Variants in ANKFN1 observed in about 807,000 individuals in gnomAD.
The protein encoded by ANKFN1 is ankyrin repeat and fibronectin type III domain containing 1, also known as ankyrin repeat and fibronectin type-III domain-containing protein 1.
A neutral mutation model predicts 108.7 loss-of-function variants in ANKFN1; 74 were observed. The ratio of observed to expected loss-of-function variants is 0.68; its 90% confidence interval spans 0.56 to 0.83. The LOEUF is 0.83. Among genes scored for constraint, ANKFN1 ranks in the 40% least tolerant of loss-of-function variants. The pLI, the probability that ANKFN1 is intolerant of heterozygous loss-of-function variation, is 0.00. For synonymous variants in ANKFN1, 547 were observed against 516.2 expected, an observed-to-expected ratio of 1.06 and a Z score of -0.81; for missense variants, 1,505 against 1,382.3, an observed-to-expected ratio of 1.09 and a Z score of -1.41.
chr17:56,287,119 C>A (rs780227835), intron 3 of ANKFN1, among the ~76,000 whole-genome samples: 1 of 152,098 alleles, frequency 6.6e-6, no homozygotes, highest in Non-Finnish European at 1.5e-5. Flanking sequence ...ATAAGGCAGG[C>A]CTTATTCTCC....
At chr17:56,406,163 G>A (rs1408704566) in intron 8 of ANKFN1, among the ~76,000 whole-genome samples, 1 of 152,100 alleles carries the variant, frequency 6.6e-6, no homozygotes, top group African/African-American at 2.4e-5. Context: ...ATCACGTAAG[G>A]GCAGTCAAAA....
intron 4 of ANKFN1, among the ~76,000 whole-genome samples, chr17:56,128,353 T>G (rs1277226662): frequency 6.6e-6 from 1 of 152,210 alleles, no homozygotes; most frequent in African/African-American, 2.4e-5. Flanking sequence ...TTTGTGATTT[T>G]CCTTGCAATC....
chr17:56,143,861 G>A (rs544139077), intron 4 of ANKFN1, among the ~76,000 whole-genome samples: 1 of 152,206 alleles, frequency 6.6e-6, no homozygotes, highest in East Asian at 1.9e-4. Context: ...CAGGAGAGAG[G>A]CATGGAATGG....
chr17:56,170,987 G>A (rs1910645958), intron 1 of ANKFN1, among the ~76,000 whole-genome samples: 1 of 151,368 alleles, frequency 6.6e-6, no homozygotes, highest in African/African-American at 2.4e-5. Flanking sequence ...TGGGGGAGCT[G>A]GAAGGAAATG....
At chr17:56,459,130 G>T (rs1212951831) in intron 14 of ANKFN1, among the ~76,000 whole-genome samples, 1 of 151,948 alleles carries the variant, frequency 6.6e-6, no homozygotes, top group African/African-American at 2.4e-5. Context: ...GGTGGTGGTG[G>T]AATGGAATCT....
intron 3 of ANKFN1, among the ~76,000 whole-genome samples, chr17:56,275,766 T>C (rs2043913138): frequency 6.6e-6 from 1 of 152,052 alleles, no homozygotes; most frequent in Admixed American, 6.6e-5. Flanking sequence ...GGAGAAACTG[T>C]TGAAATGAAA....
intron 4 of ANKFN1, among the ~76,000 whole-genome samples, chr17:56,053,783 G>A (rs2143084083): frequency 6.6e-6 from 1 of 152,208 alleles, no homozygotes; most frequent in South Asian, 2.1e-4. Flanking sequence ...AGTGCATGTA[G>A]GTTCCCTTTT....
chr17:56,180,148 C>A (rs959495752), intron 1 of ANKFN1, among the ~76,000 whole-genome samples: 6 of 152,118 alleles, frequency 3.9e-5, no homozygotes, highest in African/African-American at 1.4e-4. Context: ...CTCTTTCTAC[C>A]CTTTACTCAA....
intron 4 of ANKFN1, among the ~76,000 whole-genome samples, chr17:56,335,118 G>A (rs1034952252): frequency 5.3e-5 from 8 of 152,136 alleles, no homozygotes; most frequent in African/African-American, 1.7e-4. Context: ...TTTGGTTACT[G>A]TAGCCTTGTA....
chr17:56,104,175 C>T (rs1431324), intron 4 of ANKFN1, among the ~76,000 whole-genome samples: 81,750 of 152,034 alleles, frequency 0.54, 22,274 homozygotes, highest in East Asian at 0.81. Context: ...ATTTAAACTT[C>T]ATTGCAACCC....
At chr17:56,364,953 A>G (rs2046621351) in intron 6 of ANKFN1, among the ~76,000 whole-genome samples, 1 of 152,204 alleles carries the variant, frequency 6.6e-6, no homozygotes, top group South Asian at 2.1e-4. Flanking sequence ...AGCCAAAATG[A>G]GTCTTGCGTC....
chr17:56,415,978 C>T (rs2048231312), intron 8 of ANKFN1, among the ~76,000 whole-genome samples: 1 of 152,132 alleles, frequency 6.6e-6, no homozygotes, highest in African/African-American at 2.4e-5. Flanking sequence ...ACAGTCTCCT[C>T]AATAAATGGT....
chr17:56,267,562 AT>A (rs1364319420), intron 3 of ANKFN1, among the ~76,000 whole-genome samples: 1 of 152,070 alleles, frequency 6.6e-6, no homozygotes, highest in Non-Finnish European at 1.5e-5. Context: ...TCTTGAGTTG[AT>A]TTTTGTGTAT....
At position 56,110,303 on chromosome 17, in the gene ANKFN1, A is replaced by C. The variant is rs578023755; in HGVS notation, c.288+63978A>C. On this transcript the variant is annotated intron_variant, in intron 4 of 12. Coordinates refer to the ANKFN1 transcript ENST00000635860. ...TAGAAGGCTCCCGTCCCATTTATCTAGTTAATTCTTACTAATTTGTTTACT... is the reference window on the plus strand; with the variant it reads ...TAGAAGGCTCCCGTCCCATTTATCTCGTTAATTCTTACTAATTTGTTTACT... Among the ~76,000 whole-genome samples the C allele has an allele frequency of 7.2e-5, 11 of 152,228 alleles. 1 individual carries two copies. The East Asian group carries it at 1.4e-3, about 19-fold the overall frequency.
chr17:56,381,397 A>G (rs902432509), intron 8 of ANKFN1, among the ~76,000 whole-genome samples: 1 of 152,222 alleles, frequency 6.6e-6, no homozygotes. Flanking sequence ...CCTCCAAAGA[A>G]CGCAGTTCCT....
At chr17:56,171,845 G>A (rs892125594) in intron 1 of ANKFN1, among the ~76,000 whole-genome samples, 3 of 152,132 alleles carry the variant, frequency 2.0e-5, no homozygotes, top group African/African-American at 4.8e-5. Context: ...GAGGTCTTAA[G>A]GAAGAAACTC....
intron 1 of ANKFN1, among the ~76,000 whole-genome samples, chr17:56,171,005 G>A (rs1910647972): frequency 1.3e-5 from 2 of 151,592 alleles, no homozygotes; most frequent in South Asian, 4.2e-4. Flanking sequence ...ATGGAGAGCA[G>A]GCATGGTAAA....
intron 4 of ANKFN1, among the ~76,000 whole-genome samples, chr17:56,333,680 G>A (rs577414499): frequency 8.6e-5 from 13 of 151,842 alleles, no homozygotes; most frequent in Non-Finnish European, 1.8e-4. Flanking sequence ...TATCAAGGCA[G>A]TACTAGCCTT....
At chr17:56,080,362 C>G (rs894032559) in intron 4 of ANKFN1, among the ~76,000 whole-genome samples, 2 of 152,116 alleles carry the variant, frequency 1.3e-5, no homozygotes, top group Admixed American at 6.5e-5. Context: ...TGGGAGAAAC[C>G]AGAGACAACT....
Sources: allele counts gnomAD v4.1 joint callset (sites outside exome capture counted in the v4.1 genomes callset), GRCh38; gene constraint gnomAD v4.1.1; transcripts MANE v1.5; gene names NCBI Gene and HGNC (gene_info 2026-07-23, HGNC 2026-07-21).